RAB11FIP3: variants seen among roughly 807,000 people sequenced by gnomAD.
RAB11FIP3 encodes RAB11 family interacting protein 3, also known as rab11 family-interacting protein 3.
In RAB11FIP3, 17 loss-of-function variants were observed where a neutral mutation model predicts 77.8. The ratio of observed to expected loss-of-function variants is 0.22; its 90% CI spans 0.15 to 0.33. The LOEUF is 0.33. Ranked by LOEUF, RAB11FIP3 falls within the 10% of genes least tolerant of loss-of-function variation. The pLI is 1.00. For synonymous variants in RAB11FIP3, 437 were observed against 448.2 expected (o/e 0.98, Z 0.31); for missense variants, 1,005 against 1,011.2 (o/e 0.99, Z 0.08).
At chr16:430,620 T>A (rs2055020654) in intron 1 of RAB11FIP3, among the ~76,000 whole-genome samples, 1 of 152,100 alleles carries the variant, frequency 6.6e-6, no homozygotes, top group African/African-American at 2.4e-5. Context: ...AGTGGCAAGA[T>A]CTCAGCTCAC....
At chr16:457,582 A>T (rs1315396862) in intron 1 of RAB11FIP3, among the ~76,000 whole-genome samples, 1 of 151,790 alleles carries the variant, frequency 6.6e-6, no homozygotes, top group Non-Finnish European at 1.5e-5. Context: ...TCCCCAAATC[A>T]TCAATTACAT....
At chr16:463,816 C>G (rs114903581) in intron 2 of RAB11FIP3, among the ~76,000 whole-genome samples, 1 of 152,178 alleles carries the variant, frequency 6.6e-6, no homozygotes, top group Non-Finnish European at 1.5e-5. Flanking sequence ...ACGGCCTCTG[C>G]GCTGGGCTTG....
rs1253813073 is a variant in RAB11FIP3, at chr16:426,618, C to T, written c.612C>T (p.Gly204=). The T allele has an allele frequency of 1.3e-6, 2 of 1,593,826 alleles. No individual in the cohort carries two copies. The highest frequency in any genetic ancestry group is 1.7e-6 in the Non-Finnish European group (2 of 1,171,248). Reference sequence around the variant, plus strand: ...AGCCCGTGGGGAGTCAGGAGGACGGCCCCCGCCTCCGAGCCGTGTTCGATG... The same window carrying T: ...AGCCCGTGGGGAGTCAGGAGGACGGTCCCCGCCTCCGAGCCGTGTTCGATG... ...PSEPVGSQED[G]PRLRAVFDAL... is the part of the protein sequence containing the mutation. Residue 204 remains glycine, a synonymous_variant, in exon 1 of 14, where the codon GGC becomes GGT. Transcript: ENST00000262305. The surrounding 1 kb of genome is among the most constrained non-coding windows in gnomAD (Gnocchi z 5.0).
intron 6 of RAB11FIP3, among the ~76,000 whole-genome samples, chr16:502,423 G>A (rs117693782): frequency 0.025 from 3,860 of 152,346 alleles, 68 homozygotes; most frequent in Middle Eastern, 0.044. Context: ...CAGAGGACAC[G>A]TGTGTCTGCT....
intron 9 of RAB11FIP3, among the ~76,000 whole-genome samples, chr16:512,441 C>T (rs930600991): frequency 2.0e-5 from 3 of 151,842 alleles, no homozygotes; most frequent in African/African-American, 4.8e-5. Flanking sequence ...GGGGTTTCAC[C>T]GTGTTAGCCA....
intron 1 of RAB11FIP3, among the ~76,000 whole-genome samples, chr16:456,738 C>T (rs916768888): frequency 6.6e-6 from 1 of 152,098 alleles, no homozygotes; most frequent in Non-Finnish European, 1.5e-5. Context: ...TCCTGGGCGA[C>T]GGAGTGAGAC....
Position 472,602 on chromosome 16 carries a change from G to C in RAB11FIP3, c.903+1213G>C, listed in dbSNP as rs912430667. ...TCTGCAGGGTAACCCAGAGCCCTTG[G>C]TCTGCAACGTCCGGGGAACTGTGTG... On this transcript the variant is annotated intron_variant, in intron 3 of 13. Transcript: ENST00000262305. The surrounding 1 kb of genome is among the most constrained non-coding windows in gnomAD (Gnocchi z 4.1). 6.6e-6 allele frequency among the ~76,000 whole-genome samples: 1 copy of C among 152,208 alleles called. No individual in the cohort carries two copies. The highest frequency in any genetic ancestry group is 1.5e-5 in the Non-Finnish European group (1 of 68,040).
At chr16:479,369 G>C (rs1182594432) in intron 3 of RAB11FIP3, among the ~76,000 whole-genome samples, 1 of 152,040 alleles carries the variant, frequency 6.6e-6, no homozygotes, top group Non-Finnish European at 1.5e-5. Flanking sequence ...TCCAACCTGG[G>C]TGTCACAGTG....
intron 1 of RAB11FIP3, chr16:439,249 T>A (rs1427389407): frequency 6.6e-6 from 1 of 152,254 alleles, no homozygotes; most frequent in Non-Finnish European, 1.5e-5. Flanking sequence ...TCTATTTTTG[T>A]GTCCAGATAT....
At chr16:510,417 G>C (rs2032085270) in intron 8 of RAB11FIP3, 2 of 491,966 alleles carry the variant, frequency 4.1e-6, no homozygotes, top group Non-Finnish European at 7.3e-6. Context: ...TATCAGCTGG[G>C]CCTAGGTGCA....
At chr16:484,564 G>C (rs1239259822) in intron 4 of RAB11FIP3, among the ~76,000 whole-genome samples, 2 of 152,158 alleles carry the variant, frequency 1.3e-5, no homozygotes, top group African/African-American at 4.8e-5. Flanking sequence ...TGTTGGTCAG[G>C]CTGGTCTCCA....
intron 8 of RAB11FIP3, among the ~76,000 whole-genome samples, chr16:509,150 C>T (rs766012155): frequency 3.9e-5 from 6 of 152,024 alleles, no homozygotes; most frequent in Non-Finnish European, 7.4e-5. Flanking sequence ...GTGATCTGCC[C>T]GCCTCTGCCT....
intron 3 of RAB11FIP3, among the ~76,000 whole-genome samples, chr16:475,780 C>T (rs1315085019): frequency 1.3e-5 from 2 of 152,238 alleles, no homozygotes; most frequent in Non-Finnish European, 2.9e-5. Flanking sequence ...AGGAGTGGAA[C>T]TGTTCATCTC....
chr16:438,193 C>G (rs958051036), intron 1 of RAB11FIP3, among the ~76,000 whole-genome samples: 1 of 151,626 alleles, frequency 6.6e-6, no homozygotes, highest in African/African-American at 2.4e-5. Flanking sequence ...CTGCAACCTC[C>G]GCCTCTCAGG....
intron 1 of RAB11FIP3, among the ~76,000 whole-genome samples, chr16:450,669 G>C (rs74724425): frequency 6.6e-6 from 1 of 152,300 alleles, no homozygotes; most frequent in African/African-American, 2.4e-5. Flanking sequence ...GGAAGGGACC[G>C]AGGATCTGAG....
intron 1 of RAB11FIP3, among the ~76,000 whole-genome samples, chr16:440,758 A>G (rs906404669): frequency 3.9e-5 from 6 of 152,232 alleles, no homozygotes; most frequent in Admixed American, 6.5e-5. Context: ...GAGACCAGCC[A>G]TGCTGGGGGA....
At chr16:440,636 C>T (rs1308829112) in intron 1 of RAB11FIP3, among the ~76,000 whole-genome samples, 1 of 152,232 alleles carries the variant, frequency 6.6e-6, no homozygotes, top group Non-Finnish European at 1.5e-5. Flanking sequence ...TTTCTTAGGT[C>T]AGTGATGCAT....
chr16:501,156 G>A (rs1169744982), intron 6 of RAB11FIP3, among the ~76,000 whole-genome samples: 5 of 152,214 alleles, frequency 3.3e-5, no homozygotes, highest in Non-Finnish European at 7.3e-5. Context: ...GAAGCAAATC[G>A]AACTTCATAC....
At chr16:443,621 A>C (rs138222757) in intron 1 of RAB11FIP3, among the ~76,000 whole-genome samples, 310 of 152,326 alleles carry the variant, frequency 2.0e-3, no homozygotes, top group African/African-American at 6.8e-3. Context: ...GCTGGAGTGC[A>C]GTGGCGCGAT....
Sources: allele counts gnomAD v4.1 joint callset (sites outside exome capture counted in the v4.1 genomes callset), GRCh38; gene constraint gnomAD v4.1.1; non-coding constraint Gnocchi (gnomAD v3.1); transcripts MANE v1.5; gene names NCBI Gene and HGNC (gene_info 2026-07-23, HGNC 2026-07-21).